The following EXT1 variants were observed in gnomAD, a reference collection of about 807,000 sequenced individuals.
EXT1 encodes the protein exostosin-1.
Under a neutral mutation model 82.5 loss-of-function variants are expected in EXT1, and 20 were observed. The ratio of observed to expected loss-of-function variants is 0.24; its 90% CI spans 0.17 to 0.35. The LOEUF (loss-of-function observed/expected upper bound fraction) is 0.35, where lower values mean the gene tolerates loss of function less well. Among genes scored for constraint, EXT1 ranks in the 10% least tolerant of loss-of-function variants. EXT1 has a pLI of 1.00. For missense variants in EXT1, 757 were observed against 936.5 expected (o/e 0.81, Z 2.50); for synonymous variants, 348 against 350.8 (o/e 0.99, Z 0.09).
intron 1 of EXT1, among the ~76,000 whole-genome samples, chr8:117,921,670 C>T (rs1813860114): frequency 6.6e-6 from 1 of 152,160 alleles, no homozygotes; most frequent in Non-Finnish European, 1.5e-5. Flanking sequence ...GCAGAAAATG[C>T]CATCTCTAAA....
intron 1 of EXT1, among the ~76,000 whole-genome samples, chr8:117,915,123 C>G (rs535936370): frequency 1.1e-3 from 170 of 152,294 alleles, no homozygotes; most frequent in Admixed American, 2.5e-3. Flanking sequence ...TCTTTGTACT[C>G]TTTCTCTTTA....
intron 1 of EXT1, among the ~76,000 whole-genome samples, chr8:117,947,089 C>A (rs1472673536): frequency 6.6e-6 from 1 of 152,162 alleles, no homozygotes; most frequent in East Asian, 1.9e-4. Context: ...TTATTAATTC[C>A]ATTTAGGATT....
chr8:117,921,086 A>G (rs562568243), intron 1 of EXT1, among the ~76,000 whole-genome samples: 1 of 152,354 alleles, frequency 6.6e-6, no homozygotes, highest in Admixed American at 6.5e-5. Flanking sequence ...CTCTGTTTCA[A>G]AAATGCATTA....
chr8:117,995,325 G>C (rs1245356917), intron 1 of EXT1, among the ~76,000 whole-genome samples: 2 of 152,174 alleles, frequency 1.3e-5, no homozygotes, highest in Non-Finnish European at 2.9e-5. Flanking sequence ...ATCTTCTTTA[G>C]AAAAGCCAGC....
intron 1 of EXT1, among the ~76,000 whole-genome samples, chr8:117,872,796 C>A (rs1216412455): frequency 3.8e-5 from 5 of 130,952 alleles, no homozygotes; most frequent in African/African-American, 1.4e-4. Flanking sequence ...GATCTCCAAA[C>A]ACATATTAAA....
At chr8:118,105,721 A>G (rs1459466998) in intron 1 of EXT1, among the ~76,000 whole-genome samples, 1 of 152,174 alleles carries the variant, frequency 6.6e-6, no homozygotes, top group Non-Finnish European at 1.5e-5. Context: ...GTGGGGAGAA[A>G]GGTGCTAATA....
intron 1 of EXT1, among the ~76,000 whole-genome samples, chr8:117,886,137 C>T (rs1053872206): frequency 5.9e-5 from 9 of 152,014 alleles, no homozygotes; most frequent in African/African-American, 1.9e-4. Context: ...ATATAAAGAT[C>T]AAAAAATAGC....
chr8:117,873,403 G>A (rs12548703), intron 1 of EXT1, among the ~76,000 whole-genome samples: 20,285 of 150,358 alleles, frequency 0.13, 1,408 homozygotes, highest in Middle Eastern at 0.17. Context: ...TTAAGAAAAT[G>A]GAGAAAATTA....
At chr8:117,933,556 G>A (rs1330471799) in intron 1 of EXT1, among the ~76,000 whole-genome samples, 1 of 152,188 alleles carries the variant, frequency 6.6e-6, no homozygotes, top group Non-Finnish European at 1.5e-5. Flanking sequence ...ATGTCTGAAA[G>A]TGATGAGAGC....
rs1817906649 is a variant in EXT1 at position 118,111,671 on chromosome 8, C to T, written c.-625G>A. ...TACTCCTGCGCTCGCGGGGCCGGCC[C>T]CCGGGACGCGCGGCGGCCCGGCTGG... On this transcript the variant is annotated 5_prime_UTR_variant, in exon 1 of 11. Transcript: ENST00000378204. The T allele has an allele frequency of 1.8e-5, 6 of 336,632 alleles. No homozygotes were observed. In the East Asian group the frequency reaches 2.5e-4, roughly 14 times the overall value. 20.9% of individuals were successfully genotyped at this position (336,632 alleles called of 1,614,324 possible).
At chr8:117,863,097 A>G (rs1192509499) in intron 1 of EXT1, among the ~76,000 whole-genome samples, 2 of 147,378 alleles carry the variant, frequency 1.4e-5, no homozygotes, top group South Asian at 4.3e-4. Context: ...CAGAAAACAC[A>G]AACACAAAAT....
intron 1 of EXT1, among the ~76,000 whole-genome samples, chr8:117,912,982 G>A (rs2129994004): frequency 6.6e-6 from 1 of 152,246 alleles, no homozygotes; most frequent in Non-Finnish European, 1.5e-5. Flanking sequence ...CCAGCACTTT[G>A]GGAGGCTGAG....
chr8:117,944,560 A>G (rs949457162), intron 1 of EXT1, among the ~76,000 whole-genome samples: 1 of 152,338 alleles, frequency 6.6e-6, no homozygotes, highest in Middle Eastern at 3.4e-3. Context: ...TTCTTATTAG[A>G]TAACAGGTTT....
intron 1 of EXT1, among the ~76,000 whole-genome samples, chr8:118,002,647 T>A (rs933244963): frequency 6.7e-5 from 10 of 150,176 alleles, no homozygotes; most frequent in African/African-American, 2.2e-4. Flanking sequence ...TTCTCCTGCC[T>A]GAGCCTCCTG....
At chr8:117,961,620 C>T (rs759388224) in intron 1 of EXT1, among the ~76,000 whole-genome samples, 1 of 152,126 alleles carries the variant, frequency 6.6e-6, no homozygotes, top group African/African-American at 2.4e-5. Flanking sequence ...ATGAAACATA[C>T]GTGCACTTAT....
Position 117,807,211 on chromosome 8 carries a change from C to T in EXT1, c.1883+6G>A, listed in dbSNP as rs759368914. 9.3e-6 allele frequency: 15 copies of T among 1,614,112 alleles called. No individual in the cohort carries two copies. Among genetic ancestry groups the T allele is most frequent in the Non-Finnish European group, 1.2e-5 (14 of 1,179,976 alleles). On this transcript the variant is annotated splice_donor_region_variant and intron_variant, in intron 9 of 10. Coordinates refer to ENST00000378204, the MANE Select transcript of EXT1 (RefSeq NM_000127.3). Reference sequence around the variant, plus strand: ...AGTCTGTAAGAGACATGTCCAGATTCCTCACTTGTGGTAAATAGCAGCTCC... The same window carrying T: ...AGTCTGTAAGAGACATGTCCAGATTTCTCACTTGTGGTAAATAGCAGCTCC...
At chr8:117,818,352 A>T in intron 7 of EXT1, 83 bp downstream of exon 7, 1 of 1,036,762 alleles carries the variant, frequency 9.6e-7, no homozygotes, top group South Asian at 1.3e-5. Context: ...GGGAGAAGAT[A>T]TCTAGGGCCA....
chr8:117,928,701 T>C (rs527529227), intron 1 of EXT1, among the ~76,000 whole-genome samples: 2 of 152,092 alleles, frequency 1.3e-5, no homozygotes, highest in Admixed American at 6.5e-5. Flanking sequence ...ATGTGATATC[T>C]GAAGCAATGA....
At chr8:118,087,388 G>A (rs1817440528) in intron 1 of EXT1, among the ~76,000 whole-genome samples, 1 of 152,140 alleles carries the variant, frequency 6.6e-6, no homozygotes, top group Non-Finnish European at 1.5e-5. Context: ...TTTCAAAACA[G>A]CTATTAGACA....
Sources: gnomAD v4.1 joint callset for allele counts (sites outside exome capture counted in the v4.1 genomes callset) on GRCh38, gnomAD v4.1.1 for gene constraint, MANE v1.5 for transcripts, NCBI Gene and HGNC (gene_info 2026-07-23, HGNC 2026-07-21) for gene names.